Variants in TMEM245 observed in about 807,000 individuals in gnomAD.
The protein encoded by TMEM245 is protein CG-2.
A neutral mutation model predicts 101.2 loss-of-function variants in TMEM245; 69 were observed. The observed-to-expected ratio is 0.68, with a 90% CI of 0.56 to 0.83. The LOEUF is 0.83. Among genes scored for constraint, TMEM245 ranks in the 40% least tolerant of loss-of-function variants. The probability of loss-of-function intolerance (pLI) is 0.00; values close to 1 mark genes in which losing one functional copy is unlikely to be tolerated. For missense variants in TMEM245, 1,075 were observed against 1,092.8 expected, an observed-to-expected ratio of 0.98 and a Z score of 0.23; for synonymous variants, 537 against 449.8, an observed-to-expected ratio of 1.19 and a Z score of -2.45.
intron 12 of TMEM245, among the ~76,000 whole-genome samples, chr9:109,051,364 G>A (rs533653576): frequency 6.2e-5 from 9 of 145,086 alleles, no homozygotes; most frequent in African/African-American, 1.8e-4. Context: ...TGTAAAAATC[G>A]CAAGCAGAGA....
chr9:109,073,138 T>C, intron 9 of TMEM245: 1 of 527,524 alleles, frequency 1.9e-6, no homozygotes, highest in Non-Finnish European at 3.4e-6. Flanking sequence ...TAAAACAAAG[T>C]ATCATTTACC....
chr9:109,115,459 G>A (rs1438133654), intron 1 of TMEM245, among the ~76,000 whole-genome samples: 4 of 145,650 alleles, frequency 2.7e-5, no homozygotes, highest in Non-Finnish European at 6.0e-5. Flanking sequence ...GAAGAGGGAC[G>A]AATAAGGTTT....
chr9:109,116,856 G>A (rs933087048), intron 1 of TMEM245, among the ~76,000 whole-genome samples: 4 of 151,878 alleles, frequency 2.6e-5, no homozygotes, highest in Admixed American at 2.6e-4. Context: ...TAAGAGCAAG[G>A]ACTCCTTGTC....
At chr9:109,099,803 C>T (rs1015405215) in intron 3 of TMEM245, among the ~76,000 whole-genome samples, 2 of 152,074 alleles carry the variant, frequency 1.3e-5, no homozygotes, top group African/African-American at 2.4e-5. Flanking sequence ...ATTTAATTGC[C>T]GTTACCACAG....
chr9:109,107,005 G>A (rs1830445306), intron 2 of TMEM245, among the ~76,000 whole-genome samples: 2 of 151,022 alleles, frequency 1.3e-5, no homozygotes, highest in Admixed American at 6.7e-5. Context: ...AATACCACCG[G>A]GCGTGAACTT....
intron 14 of TMEM245, among the ~76,000 whole-genome samples, chr9:109,049,960 T>C (rs1472065763): frequency 6.6e-6 from 1 of 152,186 alleles, no homozygotes; most frequent in Non-Finnish European, 1.5e-5. Flanking sequence ...CAGATAATTT[T>C]TAAAATTTTT....
chr9:109,025,980 G>T (rs1480616204), intron 17 of TMEM245, among the ~76,000 whole-genome samples: 1 of 152,172 alleles, frequency 6.6e-6, no homozygotes, highest in African/African-American at 2.4e-5. Context: ...AAGTTTTTTT[G>T]CAGTGTGGAA....
intron 10 of TMEM245, 107 bp from the exon 11 acceptor site, chr9:109,060,559 C>T: frequency 1.4e-6 from 1 of 714,818 alleles, no homozygotes; most frequent in African/African-American, 1.8e-5. Context: ...CAAAAATGTT[C>T]CAGACTATTT....
intron 4 of TMEM245, among the ~76,000 whole-genome samples, chr9:109,093,152 G>T (rs1249105315): frequency 6.6e-6 from 1 of 151,776 alleles, no homozygotes; most frequent in African/African-American, 2.4e-5. Flanking sequence ...ATGTGGGAAA[G>T]GTAAATGGAG....
chr9:109,100,372 G>A (rs1388793009), intron 3 of TMEM245, among the ~76,000 whole-genome samples: 2 of 152,274 alleles, frequency 1.3e-5, no homozygotes, highest in Admixed American at 1.3e-4. Flanking sequence ...AGCCCAGGCT[G>A]GAGTACAGTG....
intron 9 of TMEM245, 78 bp from the exon 10 acceptor site, chr9:109,064,645 C>A: frequency 1.7e-6 from 2 of 1,187,368 alleles, no homozygotes; most frequent in South Asian, 1.3e-5. Context: ...ACTTGATATG[C>A]TTAATCCATA....
intron 14 of TMEM245, among the ~76,000 whole-genome samples, chr9:109,044,322 A>C (rs999874516): frequency 3.3e-5 from 5 of 152,182 alleles, no homozygotes; most frequent in African/African-American, 9.6e-5. Flanking sequence ...GGATGGGGAG[A>C]ATAACAAACC....
At chr9:109,094,619 T>C (rs1343154340) in intron 3 of TMEM245, among the ~76,000 whole-genome samples, 1 of 152,220 alleles carries the variant, frequency 6.6e-6, no homozygotes, top group African/African-American at 2.4e-5. Context: ...TTCTCCTGAT[T>C]GCACTGCTTC....
chr9:109,102,545 GA>G (rs1409400471), intron 3 of TMEM245, among the ~76,000 whole-genome samples: 1 of 152,238 alleles, frequency 6.6e-6, no homozygotes, highest in African/African-American at 2.4e-5. Flanking sequence ...CATTGACACA[GA>G]AAGTTCCTCA....
rs779536888 is a variant in TMEM245, at chr9:109,090,918, C to T, written c.1150+4G>A. 17 of 1,613,472 alleles carry T rather than the reference C, an allele frequency of 1.1e-5. No individual in the cohort carries two copies. Among genetic ancestry groups the T allele is most frequent in the South Asian group, 3.3e-5 (3 of 91,022 alleles). On this transcript the variant is annotated splice_donor_region_variant and intron_variant, in intron 5 of 17. Transcript: ENST00000374586. Reference sequence around the variant, plus strand: ...GACGAGATCGTACTTAACCAGATAACGACCTGCAATCGGCACTGGCAGCAA... The same window carrying T: ...GACGAGATCGTACTTAACCAGATAATGACCTGCAATCGGCACTGGCAGCAA...
intron 15 of TMEM245, among the ~76,000 whole-genome samples, chr9:109,036,752 G>A (rs143304887): frequency 4.6e-4 from 70 of 152,242 alleles, no homozygotes; most frequent in African/African-American, 1.6e-3. Flanking sequence ...TCAGAAATTA[G>A]TTTCTAAACC....
At chr9:109,045,705 A>T (rs929662850) in intron 14 of TMEM245, among the ~76,000 whole-genome samples, 69 of 152,218 alleles carry the variant, frequency 4.5e-4, no homozygotes, top group Non-Finnish European at 4.9e-4. Context: ...AAAGTAAAAG[A>T]CACATTTTTA....
chr9:109,117,702 T>G (rs1405558465), intron 1 of TMEM245, among the ~76,000 whole-genome samples: 1 of 152,246 alleles, frequency 6.6e-6, no homozygotes, highest in Non-Finnish European at 1.5e-5. Flanking sequence ...TACTCTAGCA[T>G]GAAAATATAC....
chr9:109,071,884 T>C (rs116709325), intron 9 of TMEM245, among the ~76,000 whole-genome samples: 73 of 152,130 alleles, frequency 4.8e-4, no homozygotes, highest in Middle Eastern at 3.4e-3. Flanking sequence ...TACACAGAGA[T>C]CCTATAAAAC....
Sources: allele counts gnomAD v4.1 joint callset (sites outside exome capture counted in the v4.1 genomes callset), GRCh38; gene constraint gnomAD v4.1.1; transcripts MANE v1.5; gene names NCBI Gene and HGNC (gene_info 2026-07-23, HGNC 2026-07-21).